The following SLC25A16 variants were observed in gnomAD, a reference collection of about 807,000 sequenced individuals.
The protein encoded by SLC25A16 is solute carrier family 25 member 16.
Under a neutral mutation model 41.5 loss-of-function variants are expected in SLC25A16, and 39 were observed. The observed-to-expected ratio is 0.94, with a 90% CI of 0.73 to 1.23. The LOEUF is 1.23. Ranked by LOEUF, SLC25A16 falls within the 50% of genes most tolerant of loss-of-function variation. SLC25A16 has a pLI of 0.00. For missense variants in SLC25A16, 421 were observed against 426.9 expected (o/e 0.99, Z 0.12); for synonymous variants, 146 against 147.8 (o/e 0.99, Z 0.09).
chr10:68,502,317 T>C (rs571348841), intron 4 of SLC25A16, among the ~76,000 whole-genome samples: 94 of 152,138 alleles, frequency 6.2e-4, no homozygotes, highest in Non-Finnish European at 1.1e-3. Context: ...GGAAAAAAAC[T>C]AACATGTTTG....
intron 3 of SLC25A16, among the ~76,000 whole-genome samples, chr10:68,504,066 C>T (rs2052907238): frequency 7.1e-6 from 1 of 140,154 alleles, no homozygotes; most frequent in African/African-American, 2.7e-5. Context: ...CGCTCTGTGT[C>T]CCAGGCTGGA....
rs2052467239 is a variant in SLC25A16 at position 68,479,967 on chromosome 10, C to T, written c.*3465G>A. 6.6e-6 allele frequency: 1 copy of T among 151,132 alleles called. No homozygotes were observed. The allele number at this position is 151,132 out of a possible 1,614,324, so 9.4% of individuals were successfully genotyped here. ...TGGAGATTGCAGTGAGCCGAGATTG[C>T]ACCACTGCACTCCAGCTTGGGTGAC... On this transcript the variant is annotated 3_prime_UTR_variant, in exon 9 of 9. Coordinates refer to ENST00000609923, the MANE Select transcript of SLC25A16 (RefSeq NM_152707.4).
intron 3 of SLC25A16, among the ~76,000 whole-genome samples, chr10:68,506,163 T>C (rs1463663111): frequency 2.6e-5 from 4 of 152,234 alleles, no homozygotes; most frequent in Non-Finnish European, 4.4e-5. Flanking sequence ...TAAAAAGGCA[T>C]TGCTATATCA....
chr10:68,517,379 G>T, intron 1 of SLC25A16: 1 of 349,680 alleles, frequency 2.9e-6, no homozygotes, highest in Non-Finnish European at 4.0e-6. Context: ...GAAAAGTATA[G>T]ATGAAAGTAG....
chr10:68,521,848 C>T (rs1436644217), intron 1 of SLC25A16, among the ~76,000 whole-genome samples: 1 of 151,246 alleles, frequency 6.6e-6, no homozygotes, highest in African/African-American at 2.4e-5. Context: ...CCGCCCGCCT[C>T]GGCCTCCCAA....
At chr10:68,506,755 A>C (rs746948823) in intron 2 of SLC25A16, 37 bp from the exon 3 acceptor site, 1 of 1,381,652 alleles carries the variant, frequency 7.2e-7, no homozygotes, top group South Asian at 1.4e-5. Flanking sequence ...AAACAGAGAA[A>C]ATTATCTAAA....
Position 68,493,441 on chromosome 10 carries a change from T to C in SLC25A16, c.543+8A>G, listed in dbSNP as rs2052695351. The C allele has an allele frequency of 5.6e-6, 9 of 1,610,180 alleles. No homozygotes were observed. Among genetic ancestry groups the C allele is most frequent in the East Asian group, 4.5e-5 (2 of 44,780 alleles). On this transcript the variant is annotated splice_region_variant and intron_variant, in intron 5 of 8. Transcript: ENST00000609923. ...ATGTTATAGATGAGGAAGGTAAATATGAAATACCTTTGCATAAATTGTTTT... is the reference window on the plus strand; with the variant it reads ...ATGTTATAGATGAGGAAGGTAAATACGAAATACCTTTGCATAAATTGTTTT...
intron 1 of SLC25A16, among the ~76,000 whole-genome samples, chr10:68,526,023 T>G (rs367992534): frequency 0.061 from 9,239 of 150,624 alleles, 364 homozygotes; most frequent in African/African-American, 0.11. Flanking sequence ...TCTCCCCATG[T>G]GATAGTCTGA....
chr10:68,517,184 T>C, intron 1 of SLC25A16: 1 of 1,006,902 alleles, frequency 9.9e-7, no homozygotes, highest in Non-Finnish European at 1.2e-6. Context: ...CCTCCTCTTC[T>C]TCTGGAACAT....
intron 4 of SLC25A16, chr10:68,500,016 A>G: frequency 2.7e-6 from 1 of 372,848 alleles, no homozygotes; most frequent in Non-Finnish European, 5.1e-6. Flanking sequence ...TAAAAAAAAG[A>G]AAATACAAAC....
At chr10:68,526,895 A>G (rs2053346278) in intron 1 of SLC25A16, among the ~76,000 whole-genome samples, 1 of 152,084 alleles carries the variant, frequency 6.6e-6, no homozygotes, top group Admixed American at 6.6e-5. Flanking sequence ...TGGGTCACTC[A>G]CGGTTTTTAT....
At chr10:68,510,568 C>T (rs577301188) in intron 2 of SLC25A16, among the ~76,000 whole-genome samples, 4 of 151,902 alleles carry the variant, frequency 2.6e-5, no homozygotes, top group South Asian at 4.2e-4. Flanking sequence ...GGGCCGGGCG[C>T]GGTGGCTTAC....
rs1376160074 is a variant in SLC25A16, at chr10:68,481,489, G to A, written c.*1943C>T. The A allele has an allele frequency of 2.0e-5, 3 of 151,802 alleles. No homozygotes were observed. The highest frequency in any genetic ancestry group is 2.1e-4 in the South Asian group (1 of 4,806). 9.4% of individuals were successfully genotyped at this position (151,802 alleles called of 1,614,324 possible). ...TTTCCTTCTTTTGTTTGAAAGAAAC[G>A]GGGTCTCACTATGTTGCCCAGGCTG... is the stretch of plus-strand genomic sequence containing the variant. On this transcript the variant is annotated 3_prime_UTR_variant, in exon 9 of 9. Transcript: ENST00000609923.
At chr10:68,518,810 TTAAA>T (rs939521182) in intron 1 of SLC25A16, among the ~76,000 whole-genome samples, 15 of 94,488 alleles carry the variant, frequency 1.6e-4, no homozygotes, top group African/African-American at 3.9e-4. Flanking sequence ...AATAAATAAA[TTAAA>T]TAAATAAATA....
intron 8 of SLC25A16, among the ~76,000 whole-genome samples, chr10:68,486,616 C>T (rs549285078): frequency 2.6e-5 from 4 of 151,676 alleles, no homozygotes; most frequent in African/African-American, 4.8e-5. Flanking sequence ...TCAGGTGATA[C>T]GCCCTCCTCG....
intron 8 of SLC25A16, among the ~76,000 whole-genome samples, chr10:68,486,197 G>A (rs1378458928): frequency 5.1e-5 from 7 of 137,658 alleles, no homozygotes; most frequent in African/African-American, 1.9e-4. Context: ...CAGCCTGGGG[G>A]ACAAGAGTGA....
rs1230358261 is a variant in SLC25A16 at position 68,506,571 on chromosome 10, CAA to C, written c.357+12_357+13del. On this transcript the variant is annotated intron_variant, in intron 3 of 8. Coordinates refer to ENST00000609923, the MANE Select transcript of SLC25A16 (RefSeq NM_152707.4). ...TTCAAGAACGCAAAAGAGAAAAGAT[CAA>C]AGTTTAACTACCGTTTTATAATGCT... 6.5e-7 allele frequency: 1 copy of C among 1,548,236 alleles called. No homozygotes were observed.
At chr10:68,509,768 G>GAT (rs1564923127) in intron 2 of SLC25A16, among the ~76,000 whole-genome samples, 1 of 147,064 alleles carries the variant, frequency 6.8e-6, no homozygotes, top group Non-Finnish European at 1.5e-5. Context: ...TATAGATATA[G>GAT]ATAGATAGAT....
chr10:68,518,807 AAATTAAAT>A lies in SLC25A16; in HGVS notation c.131-1972_131-1965del, dbSNP rs1321191970. Among the ~76,000 whole-genome samples, 564 of 107,744 alleles carry A rather than the reference AAATTAAAT, an allele frequency of 5.2e-3. 7 individuals are homozygous for A. The highest frequency in any genetic ancestry group is 0.019 in the African/African-American group (543 of 28,602). The allele number at this position is 107,744 out of a possible 152,430, so 70.7% of individuals were successfully genotyped here. On this transcript the variant is annotated intron_variant, in intron 1 of 8. Coordinates refer to ENST00000609923, the MANE Select transcript of SLC25A16 (RefSeq NM_152707.4). ...AAATAAAATAAATAAATAAATAAAT[AAATTAAAT>A]AAATAAATAAATAAAATGTATTTTT...
Sources: gnomAD v4.1 joint callset for allele counts (sites outside exome capture counted in the v4.1 genomes callset) on GRCh38, gnomAD v4.1.1 for gene constraint, MANE v1.5 for transcripts, NCBI Gene and HGNC (gene_info 2026-07-23, HGNC 2026-07-21) for gene names.